Variants in CRMP1 observed in about 807,000 individuals in gnomAD.
CRMP1 encodes the protein dihydropyrimidinase-related protein 1.
Under a neutral mutation model 68.3 loss-of-function variants are expected in CRMP1, and 19 were observed. That is an observed-to-expected ratio of 0.28 (90% CI 0.19 to 0.41). The LOEUF (loss-of-function observed/expected upper bound fraction) is 0.41. Among genes scored for constraint, CRMP1 ranks in the 10% least tolerant of loss-of-function variants. The probability of loss-of-function intolerance (pLI) is 1.00; values close to 1 mark genes in which losing one functional copy is unlikely to be tolerated. For synonymous variants in CRMP1, 439 were observed against 399.6 expected (o/e 1.10, Z -1.18); for missense variants, 791 against 967.4 (o/e 0.82, Z 2.42).
Position 5,861,348 on chromosome 4 carries a change from A to C in CRMP1, c.471-138T>G. 2.4e-6 allele frequency: 2 copies of C among 838,094 alleles called. No individual in the cohort carries two copies. The highest frequency in any genetic ancestry group is 3.7e-6 in the Non-Finnish European group (2 of 538,338). The allele number at this position is 838,094 out of a possible 1,614,324, so 51.9% of individuals were successfully genotyped here. A position where few individuals can be genotyped will look rare whatever the true frequency, so the allele number is the denominator to read the frequency against. ...GGCCCTGGGGAGACAGAGATAACTC[A>C]GGCAGGGCACATGCCCTCAAGGGGC... On this transcript the variant is annotated intron_variant, in intron 2 of 13. Transcript: ENST00000324989. This position sits in a 1 kb window ranked among gnomAD's most constrained non-coding sequence, Gnocchi z 6.0.
At chr4:5,856,006 A>G (rs749764116) in intron 4 of CRMP1, 137 bp downstream of exon 4, 1 of 972,872 alleles carries the variant, frequency 1.0e-6, no homozygotes, top group Non-Finnish European at 1.5e-6. Context: ...CTGTTTCCTC[A>G]CTGTCACGTG....
chr4:5,835,343 T>C (rs1246117379), intron 11 of CRMP1, among the ~76,000 whole-genome samples: 1 of 152,214 alleles, frequency 6.6e-6, no homozygotes, highest in Non-Finnish European at 1.5e-5. Context: ...CTGCCATCTC[T>C]GCATGCACCC....
At chr4:5,844,571 G>A (rs1043792266) in intron 6 of CRMP1, among the ~76,000 whole-genome samples, 13 of 152,208 alleles carry the variant, frequency 8.5e-5, no homozygotes, top group Non-Finnish European at 1.6e-4. Flanking sequence ...GAGACACACA[G>A]GAACCAAGAA....
Position 5,888,440 on chromosome 4 carries a change from C to A in CRMP1, c.381+4149G>T, listed in dbSNP as rs1217233352. 6.6e-6 allele frequency: 8 copies of A among 1,215,228 alleles called. No homozygotes were observed. The highest frequency in any genetic ancestry group is 8.2e-6 in the Non-Finnish European group (8 of 977,698). The allele number at this position is 1,215,228 out of a possible 1,614,324, so 75.3% of individuals were successfully genotyped here. ...ACGCGCGGCTGCCCCGGCTGCTCGG[C>A]CCGCCCGCCGCCGCTCCGGCTGCCA... On this transcript the variant is annotated intron_variant, in intron 1 of 13. Transcript: ENST00000324989. The surrounding 1 kb of genome is among the most constrained non-coding windows in gnomAD (Gnocchi z 6.4).
chr4:5,856,788 CCAT>C (rs1484804639), intron 3 of CRMP1, among the ~76,000 whole-genome samples: 1 of 150,206 alleles, frequency 6.7e-6, no homozygotes, highest in African/African-American at 2.5e-5. Context: ...ACCATCAGCA[CCAT>C]CATCACCACC....
At position 5,857,117 on chromosome 4, in the gene CRMP1, T is replaced by TCAC. The variant is rs1713183362; in HGVS notation, c.656-811_656-810insGTG. Among the ~76,000 whole-genome samples, 3 of 127,066 alleles carry TCAC rather than the reference T, an allele frequency of 2.4e-5. No homozygotes were observed. In the South Asian group the frequency reaches 7.8e-4, roughly 33 times the overall value. 83.4% of individuals were successfully genotyped at this position (127,066 alleles called of 152,430 possible). On this transcript the variant is annotated intron_variant, in intron 3 of 13. Transcript: ENST00000324989. ...ACTAACATCACCACCACCACCACAA[T>TCAC]CATCACCATCACCACCACCACCATC...
chr4:5,892,688 G>C lies in CRMP1; in HGVS notation c.282C>G (p.Ser94=). 2 of 1,218,808 alleles carry C rather than the reference G, an allele frequency of 1.6e-6. No homozygotes were observed. The highest frequency in any genetic ancestry group is 2.0e-6 in the Non-Finnish European group (2 of 979,476). 75.5% of individuals were successfully genotyped at this position (1,218,808 alleles called of 1,614,324 possible). Residue 94 remains serine (S), a synonymous_variant, in exon 1 of 14, where the codon TCC becomes TCG. Coordinates refer to ENST00000324989, the MANE Select transcript of CRMP1 (RefSeq NM_001014809.3). This position sits in a 1 kb window ranked among gnomAD's most constrained non-coding sequence, Gnocchi z 8.6. The part of the protein sequence containing the change: ...TASDVSEPSG[S]AVSSPGERDE... ...CGCGCTCTCCGGGAGAGCTGACCGC[G>C]GAGCCCGAGGGCTCGCTCACGTCGC...
At position 5,889,625 on chromosome 4, in the gene CRMP1, C is replaced by T; in HGVS notation, c.381+2964G>A. On this transcript the variant is annotated intron_variant, in intron 1 of 13. Transcript: ENST00000324989. This position sits in a 1 kb window ranked among gnomAD's most constrained non-coding sequence, Gnocchi z 4.5. ...TTCCCAGGCAGAATAAAACACCAAC[C>T]TTGTCCACCACTTCGTTGTTCATTT... The T allele has an allele frequency of 1.3e-6, 2 of 1,536,202 alleles. No individual in the cohort carries two copies. Among genetic ancestry groups the T allele is most frequent in the Non-Finnish European group, 1.7e-6 (2 of 1,146,922 alleles).
chr4:5,857,295 A>T (rs1245848402), intron 3 of CRMP1, among the ~76,000 whole-genome samples: 1 of 151,004 alleles, frequency 6.6e-6, no homozygotes, highest in Non-Finnish European at 1.5e-5. Flanking sequence ...CATCTTCATC[A>T]CCACCATCCT....
rs751577654 is a variant in CRMP1 at position 5,836,017 on chromosome 4, G to C, written c.1521C>G (p.Asn507Lys). Residue 507 changes from asparagine to lysine, a missense_variant, in exon 11 of 14, where the codon AAC becomes AAG. Transcript: ENST00000324989. Reference protein sequence around the residue: ...VTSTNAAKIFNLYPRKGRIAV... With the variant: ...VTSTNAAKIFKLYPRKGRIAV... ...CAATCCGCCCTTTCCTTGGGTACAG[G>C]TTAAAGATCTTGGCTGCATTGGTGC... 6.2e-7 allele frequency: 1 copy of C among 1,605,514 alleles called. No homozygotes were observed. The highest frequency in any genetic ancestry group is 1.1e-5 in the South Asian group (1 of 89,486).
In CRMP1 at chr4:5,854,101, C is replaced by T. The variant is rs998313136; in HGVS notation, c.820+2042G>A. Among the ~76,000 whole-genome samples, 3 of 152,200 alleles carry T rather than the reference C, an allele frequency of 2.0e-5. No individual in the cohort carries two copies. Among genetic ancestry groups the T allele is most frequent in the Non-Finnish European group, 2.9e-5 (2 of 68,030 alleles). ...CCATCTCAGTGAGGGGCGTCCTAAA[C>T]GACCATTTGCTTAAGGCGGCAACCT... On this transcript the variant is annotated intron_variant, in intron 4 of 13. Transcript: ENST00000324989. The surrounding 1 kb of genome is among the most constrained non-coding windows in gnomAD (Gnocchi z 4.0).
In CRMP1 at chr4:5,887,547, C is replaced by A. The variant is rs574535050; in HGVS notation, c.381+5042G>T. The A allele has an allele frequency of 1.5e-4, 147 of 985,210 alleles. 1 individual carries two copies. The South Asian group carries it at 6.0e-3, about 40-fold the overall frequency. The allele number at this position is 985,210 out of a possible 1,614,324, so 61.0% of individuals were successfully genotyped here. On this transcript the variant is annotated intron_variant, in intron 1 of 13. Coordinates refer to ENST00000324989, the MANE Select transcript of CRMP1 (RefSeq NM_001014809.3). Reference sequence around the variant, plus strand: ...GGATTCCTTTGTTTCCGGCCACACCCAGGGACGCAGCCCGGCTGTTCTGCC... The same window carrying A: ...GGATTCCTTTGTTTCCGGCCACACCAAGGGACGCAGCCCGGCTGTTCTGCC...
In CRMP1 at chr4:5,889,083, C is replaced by G. The variant is rs1365053547; in HGVS notation, c.381+3506G>C. 6.6e-6 allele frequency among the ~76,000 whole-genome samples: 1 copy of G among 152,122 alleles called. No individual in the cohort carries two copies. The highest frequency in any genetic ancestry group is 1.5e-5 in the Non-Finnish European group (1 of 68,026). On this transcript the variant is annotated intron_variant, in intron 1 of 13. Transcript: ENST00000324989. This position sits in a 1 kb window ranked among gnomAD's most constrained non-coding sequence, Gnocchi z 4.5. The stretch of plus-strand genomic sequence containing the variant: ...CAAAAGCCTGTCCACTCCCCTAGAC[C>G]CATCTCCAATGCCTTCCCCACCACG...
Position 5,842,062 on chromosome 4 carries a change from AC to A in CRMP1, c.1033-635del, listed in dbSNP as rs1711770925. ...AGACCATCCTGGCTAACACGGTGAA[AC>A]CCTGTCTCTACTGAAAATACAAAAA... On this transcript the variant is annotated intron_variant, in intron 7 of 13. Coordinates refer to ENST00000324989, the MANE Select transcript of CRMP1 (RefSeq NM_001014809.3). The surrounding 1 kb of genome is among the most constrained non-coding windows in gnomAD (Gnocchi z 4.5). Among the ~76,000 whole-genome samples, 1 of 152,132 alleles carries A rather than the reference AC, an allele frequency of 6.6e-6. No homozygotes were observed. The highest frequency in any genetic ancestry group is 1.5e-5 in the Non-Finnish European group (1 of 68,016).
intron 13 of CRMP1, chr4:5,824,974 C>T: frequency 1.0e-6 from 1 of 985,412 alleles, no homozygotes; most frequent in Non-Finnish European, 1.2e-6. Context: ...TATTTTGACA[C>T]TGGATTTCTT....
In CRMP1 at chr4:5,825,815, TCACA is replaced by T; in HGVS notation, c.1804-160_1804-157del. The T allele has an allele frequency of 1.4e-6, 1 of 693,530 alleles. No individual in the cohort carries two copies. Among genetic ancestry groups the T allele is most frequent in the Non-Finnish European group, 2.4e-6 (1 of 415,234 alleles). 43.0% of individuals were successfully genotyped at this position (693,530 alleles called of 1,614,324 possible). A position where few individuals can be genotyped will look rare whatever the true frequency, so the allele number is the denominator to read the frequency against. ...AACACGCACACACGACAGGTGCACT[TCACA>T]CACATGCAGCCGCACACAGGCATTC... is the stretch of plus-strand genomic sequence containing the variant. On this transcript the variant is annotated intron_variant, in intron 12 of 13. Transcript: ENST00000324989. This position sits in a 1 kb window ranked among gnomAD's most constrained non-coding sequence, Gnocchi z 4.4.
intron 12 of CRMP1, among the ~76,000 whole-genome samples, chr4:5,827,744 C>G (rs756321577): frequency 1.2e-4 from 18 of 148,072 alleles, no homozygotes; most frequent in Non-Finnish European, 2.5e-4. Context: ...CACACACACA[C>G]ACACACACAC....
At position 5,879,749 on chromosome 4, in the gene CRMP1, G is replaced by T. The variant is rs1328627519; in HGVS notation, c.381+12840C>A. 6.6e-6 allele frequency among the ~76,000 whole-genome samples: 1 copy of T among 152,130 alleles called. No homozygotes were observed. The highest frequency in any genetic ancestry group is 1.9e-4 in the East Asian group (1 of 5,190). ...CAATTGCTTTTATCAGCTTCTCAGA[G>T]GAGTTGATGGCCTTAGGAAGCCTTT... is the stretch of plus-strand genomic sequence containing the variant. On this transcript the variant is annotated intron_variant, in intron 1 of 13. Transcript: ENST00000324989. This position sits in a 1 kb window ranked among gnomAD's most constrained non-coding sequence, Gnocchi z 4.2.
intron 1 of CRMP1, among the ~76,000 whole-genome samples, chr4:5,874,313 G>A (rs1714663116): frequency 6.6e-6 from 1 of 152,178 alleles, no homozygotes; most frequent in Non-Finnish European, 1.5e-5. Context: ...ATAATAAAAT[G>A]TGAGGAGAAA....
Sources: gnomAD v4.1 joint callset for allele counts (sites outside exome capture counted in the v4.1 genomes callset) on GRCh38, gnomAD v4.1.1 for gene constraint, Gnocchi (gnomAD v3.1) non-coding constraint, MANE v1.5 for transcripts, NCBI Gene and HGNC (gene_info 2026-07-23, HGNC 2026-07-21) for gene names.